Variants in ABCC11 observed in about 807,000 individuals in gnomAD.
The protein encoded by ABCC11 is ATP-binding cassette sub-family C member 11.
ABCC11 carries 135 observed loss-of-function variants against 149.3 expected under a neutral mutation model. That is an observed-to-expected ratio of 0.90 (90% CI 0.79 to 1.04). The LOEUF is 1.04. ABCC11 is among the 50% of genes least tolerant of loss of function. ABCC11 has a pLI of 0.00. For synonymous variants in ABCC11, 665 were observed against 671.4 expected (o/e 0.99, Z 0.15); for missense variants, 1,680 against 1,722.1 (o/e 0.98, Z 0.43).
chr16:48,196,622 CCT>C (rs1211545856), intron 17 of ABCC11, among the ~76,000 whole-genome samples: 4 of 152,212 alleles, frequency 2.6e-5, no homozygotes, highest in Non-Finnish European at 5.9e-5. Flanking sequence ...GACCAGAAAA[CCT>C]AGGTTTCAGA....
Position 48,187,413 on chromosome 16 carries a change from G to GGGAT in ABCC11, c.2720_2721insATCC (p.Met908SerfsTer6). On this transcript the variant is annotated frameshift_variant, in exon 21 of 30. Coordinates refer to ENST00000356608, the MANE Select transcript of ABCC11 (RefSeq NM_001370497.1). LOFTEE classifies it high-confidence loss of function. The stretch of plus-strand genomic sequence containing the variant: ...TTGGGATGGTGTCAAAGAAACTCAT[G>GGGAT]GGGCAGCGGAAAACCTGCAGGGACA... The GGGAT allele has an allele frequency of 1.2e-6, 2 of 1,612,710 alleles. No homozygotes were observed. The highest frequency in any genetic ancestry group is 1.3e-5 in the African/African-American group (1 of 74,968).
At chr16:48,206,198 G>T (rs1394242021) in intron 12 of ABCC11, among the ~76,000 whole-genome samples, 1 of 152,178 alleles carries the variant, frequency 6.6e-6, no homozygotes, top group Non-Finnish European at 1.5e-5. Context: ...GAGCATGCCT[G>T]GGTATTATGG....
chr16:48,194,165 T>C (rs1967180741), intron 18 of ABCC11, among the ~76,000 whole-genome samples, 183 bp from the exon 19 acceptor site: 1 of 152,206 alleles, frequency 6.6e-6, no homozygotes, highest in African/African-American at 2.4e-5. Context: ...GTTCAAATCC[T>C]GGCTCCACCA....
chr16:48,165,387 G>T (rs1311022709), downstream of ABCC11, among the ~76,000 whole-genome samples: 1 of 152,222 alleles, frequency 6.6e-6, no homozygotes, highest in African/African-American at 2.4e-5. Flanking sequence ...GGAACAGAAG[G>T]TTCGCGCTCC....
rs535862640 is a variant in ABCC11 at position 48,224,182 on chromosome 16, G to A, written c.543+100C>T. 2.4e-5 allele frequency: 34 copies of A among 1,410,618 alleles called. No homozygotes were observed. The African/African-American group carries it at 3.7e-4, about 16-fold the overall frequency. The allele number at this position is 1,410,618 out of a possible 1,614,324, so 87.4% of individuals were successfully genotyped here. A position where few individuals can be genotyped will look rare whatever the true frequency, so the allele number is the denominator to read the frequency against. ...TCTAGACAGCAACTGAAAGACAAAT[G>A]CATCTCTAACTCCTGGCATGGACTT... is the stretch of plus-strand genomic sequence containing the variant. On this transcript the variant is annotated intron_variant, in intron 5 of 29. Transcript: ENST00000356608.
At chr16:48,176,604 A>T (rs568980798) in intron 25 of ABCC11, among the ~76,000 whole-genome samples, 2 of 152,330 alleles carry the variant, frequency 1.3e-5, no homozygotes, top group South Asian at 4.1e-4. Flanking sequence ...CACTGGGCTC[A>T]GAACCCAGGT....
At chr16:48,178,369 TC>T (rs1219076666) in intron 24 of ABCC11, among the ~76,000 whole-genome samples, 1 of 152,024 alleles carries the variant, frequency 6.6e-6, no homozygotes, top group Admixed American at 6.6e-5. Flanking sequence ...GATCTCCTCT[TC>T]CCCCTAGGAA....
intron 24 of ABCC11, among the ~76,000 whole-genome samples, chr16:48,177,647 G>A (rs1019711983): frequency 3.3e-5 from 5 of 152,208 alleles, no homozygotes; most frequent in Non-Finnish European, 7.3e-5. Flanking sequence ...GCCTAACGCC[G>A]AGCCCACTCT....
intron 9 of ABCC11, among the ~76,000 whole-genome samples, chr16:48,214,589 C>A (rs1969186976): frequency 2.0e-5 from 3 of 152,184 alleles, no homozygotes. Flanking sequence ...ATTAGAGGAA[C>A]TCCACAACCT....
chr16:48,232,066 T>G (rs1970455047), intron 1 of ABCC11, 127 bp from the exon 2 acceptor site: 1 of 1,464,962 alleles, frequency 6.8e-7, no homozygotes, highest in Non-Finnish European at 9.0e-7. Flanking sequence ...TGCAGAGGTT[T>G]GGGTGCCTGC....
chr16:48,226,130 G>A (rs1368575105), intron 4 of ABCC11, among the ~76,000 whole-genome samples: 3 of 150,482 alleles, frequency 2.0e-5, no homozygotes, highest in Non-Finnish European at 2.9e-5. Flanking sequence ...AGGCTGGAGT[G>A]CAGTGGCGCA....
chr16:48,214,820 A>T, intron 9 of ABCC11, 61 bp downstream of exon 9: 1 of 1,599,474 alleles, frequency 6.3e-7, no homozygotes, highest in Non-Finnish European at 8.6e-7. Context: ...TGGCTAAAAA[A>T]GGACACGTGA....
At chr16:48,196,928 A>G (rs1249535876) in intron 17 of ABCC11, among the ~76,000 whole-genome samples, 3 of 152,110 alleles carry the variant, frequency 2.0e-5, no homozygotes, top group Non-Finnish European at 2.9e-5. Context: ...TCTAATAACG[A>G]CACCCCAGTA....
At chr16:48,175,195 C>T (rs1965967926) in intron 26 of ABCC11, 63 bp downstream of exon 26, 11 of 1,560,870 alleles carry the variant, frequency 7.0e-6, no homozygotes, top group South Asian at 2.4e-5. Context: ...ATAGGCAGCC[C>T]GGTGCTGGAA....
At chr16:48,169,839 A>G (rs371920538) in intron 28 of ABCC11, among the ~76,000 whole-genome samples, 97 of 152,088 alleles carry the variant, frequency 6.4e-4, no homozygotes, top group African/African-American at 2.2e-3. Flanking sequence ...CGGGTGCAGC[A>G]CACCAACATG....
At chr16:48,229,610 G>A (rs1023411551) in intron 3 of ABCC11, among the ~76,000 whole-genome samples, 3 of 148,814 alleles carry the variant, frequency 2.0e-5, no homozygotes, top group Non-Finnish European at 4.5e-5. Flanking sequence ...GACTACAGGC[G>A]CCTGCCACCG....
At chr16:48,200,239 C>G (rs752722658) in intron 15 of ABCC11, 37 bp downstream of exon 15, 4 of 1,590,896 alleles carry the variant, frequency 2.5e-6, no homozygotes, top group Non-Finnish European at 3.4e-6. Flanking sequence ...TCTACGTTAT[C>G]CGTCAATCAC....
intron 1 of ABCC11, among the ~76,000 whole-genome samples, chr16:48,239,116 C>A (rs1970832676): frequency 2.0e-5 from 3 of 151,894 alleles, no homozygotes; most frequent in Admixed American, 1.3e-4. Flanking sequence ...ACAAACTTGA[C>A]AAAAACAAGC....
At chr16:48,178,535 G>T in intron 24 of ABCC11, 62 bp downstream of exon 24, 2 of 1,518,340 alleles carry the variant, frequency 1.3e-6, no homozygotes, top group South Asian at 2.3e-5. Flanking sequence ...GCTTGTAGAG[G>T]TCACAGAAGT....
Sources: allele counts gnomAD v4.1 joint callset (sites outside exome capture counted in the v4.1 genomes callset), GRCh38; gene constraint gnomAD v4.1.1; transcripts MANE v1.5; gene names NCBI Gene and HGNC (gene_info 2026-07-23, HGNC 2026-07-21).